NALF1: variants seen among roughly 807,000 people sequenced by gnomAD.
NALF1 encodes the protein NALCN channel auxiliary factor 1.
Under a neutral mutation model 48.4 loss-of-function variants are expected in NALF1, and 3 were observed. The ratio of observed to expected loss-of-function variants is 0.06; its 90% CI spans 0.03 to 0.16. NALF1 has a LOEUF of 0.16. Among genes scored for constraint, NALF1 ranks in the 10% least tolerant of loss-of-function variants. NALF1 has a pLI of 1.00. For missense variants in NALF1, 526 were observed against 571.5 expected (o/e 0.92, Z 0.81); for synonymous variants, 262 against 245.7 (o/e 1.07, Z -0.62).
chr13:107,782,767 C>T (rs1295936595), intron 1 of NALF1, among the ~76,000 whole-genome samples: 7 of 149,206 alleles, frequency 4.7e-5, no homozygotes, highest in South Asian at 2.1e-4. Context: ...AGGTGAGGAG[C>T]GTCTCTGCCC....
intron 1 of NALF1, among the ~76,000 whole-genome samples, chr13:107,522,645 C>G (rs1298170419): frequency 6.6e-6 from 1 of 151,674 alleles, no homozygotes; most frequent in African/African-American, 2.4e-5. Context: ...GTTCTGTAGC[C>G]CAGACTGTAC....
intron 1 of NALF1, among the ~76,000 whole-genome samples, chr13:107,363,377 C>A (rs772092039): frequency 6.6e-6 from 1 of 152,022 alleles, no homozygotes; most frequent in African/African-American, 2.4e-5. Flanking sequence ...AAGGATCACT[C>A]GAGCCTAGGA....
chr13:107,197,109 C>T (rs979589224), intron 2 of NALF1, among the ~76,000 whole-genome samples: 10 of 152,094 alleles, frequency 6.6e-5, no homozygotes, highest in Non-Finnish European at 4.4e-5. Context: ...GGCAGGTATG[C>T]TCTTGTGCTC....
At chr13:107,211,551 G>GA (rs560726215) in intron 1 of NALF1, among the ~76,000 whole-genome samples, 132 of 152,224 alleles carry the variant, frequency 8.7e-4, no homozygotes, top group African/African-American at 2.9e-3. Flanking sequence ...AACAAACATT[G>GA]AAAAAATTGC....
intron 1 of NALF1, among the ~76,000 whole-genome samples, chr13:107,712,078 A>G (rs1202437289): frequency 7.1e-6 from 1 of 140,868 alleles, no homozygotes; most frequent in African/African-American, 2.7e-5. Flanking sequence ...CTTCCACACT[A>G]AAAAAAAAAA....
intron 1 of NALF1, among the ~76,000 whole-genome samples, chr13:107,368,971 T>C (rs540752173): frequency 6.6e-6 from 1 of 152,278 alleles, no homozygotes; most frequent in Admixed American, 6.5e-5. Context: ...GTTGTCACTT[T>C]CGTGCATTTG....
At chr13:107,462,401 T>C (rs534905912) in intron 1 of NALF1, among the ~76,000 whole-genome samples, 1 of 152,194 alleles carries the variant, frequency 6.6e-6, no homozygotes, top group African/African-American at 2.4e-5. Flanking sequence ...AAATGTTAGA[T>C]TACATCAGAA....
intron 2 of NALF1, among the ~76,000 whole-genome samples, chr13:107,182,717 C>T (rs61967583): frequency 0.044 from 6,623 of 152,224 alleles, 170 homozygotes; most frequent in Non-Finnish European, 0.058. Context: ...AGAAAATTGA[C>T]GAAGTTTTAC....
intron 1 of NALF1, among the ~76,000 whole-genome samples, chr13:107,855,970 C>T (rs9555419): frequency 0.019 from 2,917 of 151,744 alleles, 65 homozygotes; most frequent in South Asian, 0.098. Context: ...TACAGTGGCA[C>T]GAATACTGCT....
intron 1 of NALF1, among the ~76,000 whole-genome samples, chr13:107,600,066 A>G (rs1375020080): frequency 1.3e-5 from 2 of 152,226 alleles, no homozygotes; most frequent in African/African-American, 4.8e-5. Context: ...GTGGTTAATT[A>G]TAACTTAAAT....
At chr13:107,754,823 T>C (rs1336913990) in intron 1 of NALF1, among the ~76,000 whole-genome samples, 1 of 142,300 alleles carries the variant, frequency 7.0e-6, no homozygotes, top group Non-Finnish European at 1.6e-5. Flanking sequence ...ACAAGAACAA[T>C]GCCTTCACAT....
intron 1 of NALF1, among the ~76,000 whole-genome samples, chr13:107,787,629 C>T (rs1321123383): frequency 2.6e-5 from 4 of 152,144 alleles, no homozygotes; most frequent in African/African-American, 7.2e-5. Flanking sequence ...GCTACATTCC[C>T]GTAACTAGTA....
Position 107,483,331 on chromosome 13 carries a change from G to T in NALF1, c.916-272576C>A, listed in dbSNP as rs577840331. Among the ~76,000 whole-genome samples, 4 of 152,080 alleles carry T rather than the reference G, an allele frequency of 2.6e-5. No homozygotes were observed. The South Asian group carries it at 8.3e-4, about 32-fold the overall frequency. ...CATGTCTTATATCTGAAAACTAGAAGTATAATAAAGTCAATGGCTTGTCAC... is the reference window on the plus strand; with the variant it reads ...CATGTCTTATATCTGAAAACTAGAATTATAATAAAGTCAATGGCTTGTCAC... On this transcript the variant is annotated intron_variant, in intron 1 of 2. Coordinates refer to ENST00000375915, the MANE Select transcript of NALF1 (RefSeq NM_001080396.3).
At chr13:107,220,211 G>A (rs1487938044) in intron 1 of NALF1, among the ~76,000 whole-genome samples, 3 of 152,190 alleles carry the variant, frequency 2.0e-5, no homozygotes, top group African/African-American at 7.2e-5. Flanking sequence ...TCAAGAAACA[G>A]CAGCTAACAC....
chr13:107,497,294 T>C (rs1214998861), intron 1 of NALF1, among the ~76,000 whole-genome samples: 9 of 152,182 alleles, frequency 5.9e-5, no homozygotes. Context: ...GACACTGATA[T>C]GAGTTTTACT....
chr13:107,656,929 T>G (rs775377608), intron 1 of NALF1, among the ~76,000 whole-genome samples: 1 of 152,090 alleles, frequency 6.6e-6, no homozygotes, highest in Non-Finnish European at 1.5e-5. Flanking sequence ...TTGTATTTTC[T>G]CACTCATATG....
In NALF1 at chr13:107,170,042, G is replaced by T. The variant is rs1416483347; in HGVS notation, c.*455C>A. 2.6e-5 allele frequency: 4 copies of T among 152,082 alleles called. No individual in the cohort carries two copies. Among genetic ancestry groups the T allele is most frequent in the Non-Finnish European group, 5.8e-5 (4 of 68,582 alleles). The allele number at this position is 152,082 out of a possible 1,614,324, so 9.4% of individuals were successfully genotyped here. Reference sequence around the variant, plus strand: ...TTTTTTGCTATACCATGAGGTCATAGCAATCATTCCTCTAATAGAAGCTGA... The same window carrying T: ...TTTTTTGCTATACCATGAGGTCATATCAATCATTCCTCTAATAGAAGCTGA... On this transcript the variant is annotated 3_prime_UTR_variant, in exon 3 of 3. Transcript: ENST00000375915.
intron 1 of NALF1, among the ~76,000 whole-genome samples, chr13:107,813,683 A>C (rs967770449): frequency 5.9e-5 from 9 of 152,062 alleles, no homozygotes; most frequent in African/African-American, 1.7e-4. Context: ...CAAAAAAAAA[A>C]AAAATTTATA....
intron 1 of NALF1, among the ~76,000 whole-genome samples, chr13:107,317,245 C>A (rs1389571324): frequency 6.6e-6 from 1 of 151,868 alleles, no homozygotes; most frequent in Non-Finnish European, 1.5e-5. Context: ...GTTAGACGAC[C>A]CATGCATAAA....
Sources: gnomAD v4.1 joint callset for allele counts (sites outside exome capture counted in the v4.1 genomes callset) on GRCh38, gnomAD v4.1.1 for gene constraint, MANE v1.5 for transcripts, NCBI Gene and HGNC (gene_info 2026-07-23, HGNC 2026-07-21) for gene names.